TIAM2: variants seen among roughly 807,000 people sequenced by gnomAD.
TIAM2 encodes the protein TIAM Rac1 associated GEF 2.
A neutral mutation model predicts 152.9 loss-of-function variants in TIAM2; 80 were observed. The ratio of observed to expected loss-of-function variants is 0.52; its 90% CI spans 0.44 to 0.63. The LOEUF (loss-of-function observed/expected upper bound fraction) is 0.63, where lower values mean the gene tolerates loss of function less well. Ranked by LOEUF, TIAM2 falls within the 30% of genes least tolerant of loss-of-function variation. TIAM2 has a pLI of 0.00. For missense variants in TIAM2, 1,965 were observed against 2,120.1 expected, an observed-to-expected ratio of 0.93 and a Z score of 1.44; for synonymous variants, 804 against 838.0, an observed-to-expected ratio of 0.96 and a Z score of 0.70.
chr6:155,054,228 T>C (rs1777388148), intron 1 of TIAM2, among the ~76,000 whole-genome samples: 1 of 152,162 alleles, frequency 6.6e-6, no homozygotes, highest in African/African-American at 2.4e-5. Flanking sequence ...AGCTTGGTTA[T>C]GTGCATCCCC....
At chr6:155,026,108 A>T (rs1776596764) in intron 1 of TIAM2, among the ~76,000 whole-genome samples, 1 of 152,158 alleles carries the variant, frequency 6.6e-6, no homozygotes, top group Non-Finnish European at 1.5e-5. Flanking sequence ...GAAACATAAA[A>T]CAGCTCAAAT....
intron 1 of TIAM2, among the ~76,000 whole-genome samples, chr6:155,042,019 A>C (rs1430309062): frequency 6.6e-6 from 1 of 151,314 alleles, no homozygotes; most frequent in East Asian, 1.9e-4. Context: ...CTCCAACCAG[A>C]CTTTTTTTCT....
chr6:155,218,899 C>T lies in TIAM2; in HGVS notation c.3168+7592C>T, dbSNP rs1275423643. On this transcript the variant is annotated intron_variant, in intron 15 of 26. Coordinates refer to ENST00000682666, the MANE Select transcript of TIAM2 (RefSeq NM_012454.4). The surrounding 1 kb of genome is among the most constrained non-coding windows in gnomAD (Gnocchi z 4.5). Reference sequence around the variant, plus strand: ...GTTCTTGACCATCTCAGCCGCCCACCCGTGTTCTTGACCATCTCAGCCGTG... The same window carrying T: ...GTTCTTGACCATCTCAGCCGCCCACTCGTGTTCTTGACCATCTCAGCCGTG... Among the ~76,000 whole-genome samples the T allele has an allele frequency of 2.8e-5, 4 of 143,940 alleles. No individual in the cohort carries two copies. Among genetic ancestry groups the T allele is most frequent in the Middle Eastern group, 3.4e-3 (1 of 292 alleles). The allele number at this position is 143,940 out of a possible 152,430, so 94.4% of individuals were successfully genotyped here.
At chr6:155,182,492 G>C (rs3792966) in intron 13 of TIAM2, among the ~76,000 whole-genome samples, 174 bp downstream of exon 13, 106,111 of 152,082 alleles carry the variant, frequency 0.7, 37,141 homozygotes, top group African/African-American at 0.74. Context: ...CGGCTCGCTC[G>C]CATAAACCCA....
intron 1 of TIAM2, among the ~76,000 whole-genome samples, chr6:155,027,161 G>T (rs561751937): frequency 6.6e-5 from 10 of 151,638 alleles, no homozygotes; most frequent in African/African-American, 2.4e-4. Flanking sequence ...TCAGCCTCCT[G>T]AGTAGCTGGG....
At chr6:155,241,532 G>A (rs543114740) in intron 16 of TIAM2, among the ~76,000 whole-genome samples, 26 of 152,228 alleles carry the variant, frequency 1.7e-4, no homozygotes, top group African/African-American at 6.0e-4. Context: ...CAACTCTGAC[G>A]TGCTGGGTCC....
rs559276408 is a variant in TIAM2 at position 155,029,649 on chromosome 6, A to C, written c.-209+34157A>C. 1.1e-3 allele frequency among the ~76,000 whole-genome samples: 141 copies of C among 128,934 alleles called. 4 individuals carry two copies. The highest frequency in any genetic ancestry group is 3.6e-3 in the African/African-American group (121 of 33,288). 84.6% of individuals were successfully genotyped at this position (128,934 alleles called of 152,430 possible). A position where few individuals can be genotyped will look rare whatever the true frequency, so the allele number is the denominator to read the frequency against. The stretch of plus-strand genomic sequence containing the variant: ...TATAACTATATATAGTTATATAACT[A>C]TATATAGAGTTATATAACTATATAC... On this transcript the variant is annotated intron_variant, in intron 1 of 26. Transcript: ENST00000682666.
At chr6:155,124,932 G>T (rs111491498) in intron 2 of TIAM2, among the ~76,000 whole-genome samples, 1,998 of 148,548 alleles carry the variant, frequency 0.013, 17 homozygotes, top group Middle Eastern at 0.049. Flanking sequence ...CTTTGTCTTT[G>T]TTAGAGGAAC....
intron 6 of TIAM2, among the ~76,000 whole-genome samples, chr6:155,147,889 T>C (rs1224951385): frequency 1.3e-5 from 2 of 152,236 alleles, no homozygotes; most frequent in African/African-American, 4.8e-5. Flanking sequence ...TTTTAGTTCC[T>C]GTCCTAGTCA....
At chr6:155,231,394 T>A (rs1365911029) in intron 15 of TIAM2, among the ~76,000 whole-genome samples, 1 of 152,260 alleles carries the variant, frequency 6.6e-6, no homozygotes, top group East Asian at 1.9e-4. Context: ...TTGTACCATT[T>A]TGATAAATAT....
intron 1 of TIAM2, among the ~76,000 whole-genome samples, chr6:155,087,609 C>T (rs1335553811): frequency 2.6e-5 from 4 of 151,790 alleles, no homozygotes; most frequent in Admixed American, 6.6e-5. Flanking sequence ...ATTAGCCAGG[C>T]GTGGTGGTGG....
At chr6:155,155,576 G>C (rs1780085290) in intron 7 of TIAM2, among the ~76,000 whole-genome samples, 1 of 152,216 alleles carries the variant, frequency 6.6e-6, no homozygotes, top group African/African-American at 2.4e-5. Flanking sequence ...CAGGGTTCCA[G>C]TGATTCTCCT....
chr6:155,045,455 A>ATT (rs55646447), intron 1 of TIAM2, among the ~76,000 whole-genome samples: 1 of 151,572 alleles, frequency 6.6e-6, no homozygotes, highest in Non-Finnish European at 1.5e-5. Flanking sequence ...ACTTATTAGA[A>ATT]TTTTTTTTAA....
In TIAM2 at chr6:155,137,431, C is replaced by T. The variant is rs144697464; in HGVS notation, c.1449C>T (p.Ala483=). The T allele has an allele frequency of 1.7e-4, 277 of 1,614,098 alleles. 1 individual carries two copies. Among genetic ancestry groups the T allele is most frequent in the Non-Finnish European group, 1.1e-4 (132 of 1,180,056 alleles). The stretch of plus-strand genomic sequence containing the variant: ...ACATAGAAACATCTACAGAAACCGC[C>T]GAGTCCAGCAGCGAGTCACTCAGCT... ...TENIETSTET[A]ESSSESLSSL... Residue 483 remains alanine (A), a synonymous_variant, in exon 5 of 27, where the codon GCC becomes GCT. Coordinates refer to ENST00000682666, the MANE Select transcript of TIAM2 (RefSeq NM_012454.4).
intron 2 of TIAM2, among the ~76,000 whole-genome samples, chr6:155,091,215 G>A (rs767087889): frequency 2.6e-4 from 40 of 152,044 alleles, no homozygotes; most frequent in Admixed American, 9.2e-4. Flanking sequence ...CTGCTACCAC[G>A]CCACGCTCTC....
At chr6:155,208,698 A>T (rs1263572406) in intron 14 of TIAM2, among the ~76,000 whole-genome samples, 1 of 152,140 alleles carries the variant, frequency 6.6e-6, no homozygotes, top group Non-Finnish European at 1.5e-5. Context: ...TCTTATATTT[A>T]ATAAGTGACA....
intron 1 of TIAM2, among the ~76,000 whole-genome samples, chr6:155,061,527 T>C (rs1298218205): frequency 6.6e-6 from 1 of 152,234 alleles, no homozygotes; most frequent in African/African-American, 2.4e-5. Flanking sequence ...TACGATTTAT[T>C]ATAAATGTGC....
intron 14 of TIAM2, among the ~76,000 whole-genome samples, chr6:155,197,729 A>C (rs1300561573): frequency 6.6e-6 from 1 of 152,066 alleles, no homozygotes; most frequent in Non-Finnish European, 1.5e-5. Flanking sequence ...AGGGCCGACC[A>C]AAAGGGGGAA....
At chr6:155,145,131 C>T (rs535265091) in intron 6 of TIAM2, among the ~76,000 whole-genome samples, 2 of 152,190 alleles carry the variant, frequency 1.3e-5, no homozygotes, top group East Asian at 1.9e-4. Context: ...TAAAATGAAG[C>T]TTGGAGAATA....
Sources: gnomAD v4.1 joint callset for allele counts (sites outside exome capture counted in the v4.1 genomes callset) on GRCh38, gnomAD v4.1.1 for gene constraint, Gnocchi (gnomAD v3.1) non-coding constraint, MANE v1.5 for transcripts, NCBI Gene and HGNC (gene_info 2026-07-23, HGNC 2026-07-21) for gene names.